Variants in MTUS2 observed in about 807,000 individuals in gnomAD.
MTUS2 encodes the protein microtubule associated scaffold protein 2, also known as microtubule-associated tumor suppressor candidate 2.
MTUS2 carries 40 observed loss-of-function variants against 114.1 expected under a neutral mutation model. That is an observed-to-expected ratio of 0.35 (90% CI 0.27 to 0.46). The LOEUF (loss-of-function observed/expected upper bound fraction) is 0.46. MTUS2 is among the 20% of genes least tolerant of loss of function. The pLI is 1.00. For missense variants in MTUS2, 1,679 were observed against 1,705.4 expected (o/e 0.98, Z 0.27); for synonymous variants, 688 against 672.0 (o/e 1.02, Z -0.37).
At chr13:29,088,151 G>A (rs1394220064) in intron 4 of MTUS2, among the ~76,000 whole-genome samples, 1 of 151,808 alleles carries the variant, frequency 6.6e-6, no homozygotes, top group African/African-American at 2.4e-5. Context: ...CTTTAGCTGT[G>A]TCCCAGAGAT....
At position 29,444,503 on chromosome 13, in the gene MTUS2, G is replaced by A. The variant is rs569672690; in HGVS notation, c.3184+4454G>A. Among the ~76,000 whole-genome samples, 13 of 152,368 alleles carry A rather than the reference G, an allele frequency of 8.5e-5. No individual in the cohort carries two copies. The East Asian group carries it at 2.3e-3, about 27-fold the overall frequency. ...CTTTGTCTGTGTTCACAGGCCTGATGCATGTTAGACTCACCTGCAGTGCTG... is the reference window on the plus strand; with the variant it reads ...CTTTGTCTGTGTTCACAGGCCTGATACATGTTAGACTCACCTGCAGTGCTG... On this transcript the variant is annotated intron_variant, in intron 9 of 15. Transcript: ENST00000612955.
chr13:29,266,988 A>G (rs1897690325), intron 5 of MTUS2, among the ~76,000 whole-genome samples: 1 of 152,220 alleles, frequency 6.6e-6, no homozygotes, highest in Admixed American at 6.5e-5. Flanking sequence ...ACGTTGAGTC[A>G]TCTGTGCTTC....
At chr13:28,957,568 G>A (rs1883130193) in intron 2 of MTUS2, among the ~76,000 whole-genome samples, 1 of 152,152 alleles carries the variant, frequency 6.6e-6, no homozygotes, top group African/African-American at 2.4e-5. Context: ...ATTGTGTTGG[G>A]TATTACTAGT....
chr13:28,889,757 TA>T (rs1456954743), intron 2 of MTUS2, among the ~76,000 whole-genome samples: 3 of 152,122 alleles, frequency 2.0e-5, no homozygotes, highest in Non-Finnish European at 2.9e-5. Context: ...TCAATAGCAA[TA>T]AGGGTAAGAG....
At chr13:29,018,015 C>T (rs924512443) in intron 2 of MTUS2, among the ~76,000 whole-genome samples, 1 of 152,138 alleles carries the variant, frequency 6.6e-6, no homozygotes, top group Non-Finnish European at 1.5e-5. Flanking sequence ...TCTGTGGATT[C>T]AGGACACAGA....
At chr13:29,447,059 G>T (rs932359021) in intron 9 of MTUS2, among the ~76,000 whole-genome samples, 3 of 152,068 alleles carry the variant, frequency 2.0e-5, no homozygotes, top group African/African-American at 7.2e-5. Flanking sequence ...GATACTTTCG[G>T]ATTTAAGATT....
intron 6 of MTUS2, among the ~76,000 whole-genome samples, chr13:29,285,853 A>C (rs1317892850): frequency 6.6e-6 from 1 of 152,238 alleles, no homozygotes; most frequent in Admixed American, 6.5e-5. Context: ...TTTGAAATTC[A>C]AACAAAAATT....
At chr13:29,405,826 C>T (rs952995575) in intron 8 of MTUS2, among the ~76,000 whole-genome samples, 5 of 150,506 alleles carry the variant, frequency 3.3e-5, no homozygotes, top group African/African-American at 1.2e-4. Flanking sequence ...CTGCAACCTC[C>T]GCCTCCCGGG....
At chr13:29,389,838 C>T (rs995178267) in intron 8 of MTUS2, among the ~76,000 whole-genome samples, 172 of 1,974 alleles carry the variant, frequency 0.087, 28 homozygotes, top group Non-Finnish European at 0.48. Flanking sequence ...TGTATATATA[C>T]ATACATATGT....
In MTUS2 at chr13:29,428,841, G is replaced by A. The variant is rs375700983; in HGVS notation, c.3118-11142G>A. 65 of 1,613,770 alleles carry A rather than the reference G, an allele frequency of 4.0e-5. 1 individual carries two copies. The highest frequency in any genetic ancestry group is 5.2e-5 in the Non-Finnish European group (61 of 1,179,880). ...GGTCCCCTTGCCAGCCAGCCTGCCG[G>A]GATGGGCCATTGCTGCTGCAAGCCT... On this transcript the variant is annotated intron_variant, in intron 8 of 15. Transcript: ENST00000612955.
intron 7 of MTUS2, among the ~76,000 whole-genome samples, chr13:29,348,582 G>T (rs1210219706): frequency 6.6e-6 from 1 of 152,200 alleles, no homozygotes; most frequent in Admixed American, 6.5e-5. Flanking sequence ...CAAGTTGGTT[G>T]AAGCATTGTC....
intron 14 of MTUS2, among the ~76,000 whole-genome samples, chr13:29,500,609 T>C (rs1882822711): frequency 1.3e-5 from 2 of 152,128 alleles, no homozygotes; most frequent in African/African-American, 4.8e-5. Flanking sequence ...CTCCCTCCAT[T>C]GATTCAGAAT....
At chr13:29,296,392 G>A (rs1001487302) in intron 6 of MTUS2, among the ~76,000 whole-genome samples, 1 of 151,170 alleles carries the variant, frequency 6.6e-6, no homozygotes, top group Non-Finnish European at 1.5e-5. Flanking sequence ...TTTTTTTTTT[G>A]TAGAGATGGG....
chr13:29,432,991 C>T (rs568499535), intron 8 of MTUS2, among the ~76,000 whole-genome samples: 1 of 152,338 alleles, frequency 6.6e-6, no homozygotes, highest in Admixed American at 6.5e-5. Context: ...CAAGAAACTT[C>T]TTAAGTGATA....
At chr13:29,115,134 A>G (rs1357361296) in intron 5 of MTUS2, among the ~76,000 whole-genome samples, 2 of 152,248 alleles carry the variant, frequency 1.3e-5, no homozygotes, top group Non-Finnish European at 2.9e-5. Flanking sequence ...AAAATGAAAT[A>G]TTACAGACAT....
intron 6 of MTUS2, among the ~76,000 whole-genome samples, chr13:29,289,935 C>G (rs1898637908): frequency 6.6e-6 from 1 of 152,152 alleles, no homozygotes; most frequent in Non-Finnish European, 1.5e-5. Flanking sequence ...TTGCTTTACC[C>G]CACCTCCACA....
chr13:29,323,839 T>C (rs1187027534), intron 6 of MTUS2, among the ~76,000 whole-genome samples: 1 of 152,156 alleles, frequency 6.6e-6, no homozygotes, highest in African/African-American at 2.4e-5. Flanking sequence ...AGCTTTGTTT[T>C]TGAAATGACC....
intron 5 of MTUS2, among the ~76,000 whole-genome samples, chr13:29,279,023 T>A (rs1479765058): frequency 1.3e-5 from 2 of 152,220 alleles, no homozygotes; most frequent in Non-Finnish European, 2.9e-5. Flanking sequence ...TGTACATTAA[T>A]AACTAACACA....
intron 5 of MTUS2, among the ~76,000 whole-genome samples, chr13:29,148,399 GC>G (rs35037457): frequency 0.98 from 142,548 of 145,174 alleles, 70,025 homozygotes; most frequent in Non-Finnish European, 1. Context: ...GTGTGTTGTT[GC>G]CCCCCCATGT....
Sources: allele counts gnomAD v4.1 joint callset (sites outside exome capture counted in the v4.1 genomes callset), GRCh38; gene constraint gnomAD v4.1.1; transcripts MANE v1.5; gene names NCBI Gene and HGNC (gene_info 2026-07-23, HGNC 2026-07-21).